Variants in GPATCH2 observed in about 807,000 individuals in gnomAD.
GPATCH2 encodes G-patch domain containing 2, also known as G patch domain-containing protein 2.
In GPATCH2, 51 loss-of-function variants were observed where a neutral mutation model predicts 58.0. That is an observed-to-expected ratio of 0.88 (90% confidence interval 0.70 to 1.11). The LOEUF (loss-of-function observed/expected upper bound fraction) is 1.11. Among genes scored for constraint, GPATCH2 ranks in the 50% most tolerant of loss-of-function variants. The pLI, the probability that GPATCH2 is intolerant of heterozygous loss-of-function variation, is 0.00. For synonymous variants in GPATCH2, 222 were observed against 218.5 expected, an observed-to-expected ratio of 1.02 and a Z score of -0.14; for missense variants, 625 against 652.2, an observed-to-expected ratio of 0.96 and a Z score of 0.45.
chr1:217,522,690 G>A (rs1663527984), intron 5 of GPATCH2, among the ~76,000 whole-genome samples: 1 of 151,822 alleles, frequency 6.6e-6, no homozygotes, highest in African/African-American at 2.4e-5. Context: ...CTATACACTT[G>A]GATTAGATTG....
chr1:217,477,771 A>G (rs1039042996), intron 8 of GPATCH2, among the ~76,000 whole-genome samples: 2 of 152,032 alleles, frequency 1.3e-5, no homozygotes, highest in East Asian at 1.9e-4. Context: ...AAGCTTTTTG[A>G]TTCTATTCCC....
chr1:217,581,116 C>T (rs1027652103), intron 5 of GPATCH2, among the ~76,000 whole-genome samples: 46 of 152,282 alleles, frequency 3.0e-4, no homozygotes, highest in African/African-American at 1.1e-3. Context: ...CCACCAGCCC[C>T]AAGATCCGCT....
At chr1:217,606,085 C>T (rs1200474305) in intron 5 of GPATCH2, among the ~76,000 whole-genome samples, 2 of 152,000 alleles carry the variant, frequency 1.3e-5, no homozygotes. Flanking sequence ...ACTCTGTTTG[C>T]ATGCACATGA....
intron 5 of GPATCH2, among the ~76,000 whole-genome samples, chr1:217,586,234 T>A (rs2102755846): frequency 6.6e-6 from 1 of 152,352 alleles, no homozygotes. Context: ...CTTTTAACTT[T>A]ATCAACCTTT....
intron 1 of GPATCH2, among the ~76,000 whole-genome samples, chr1:217,624,193 C>T (rs774008228): frequency 7.9e-5 from 12 of 152,094 alleles, no homozygotes; most frequent in Admixed American, 2.0e-4. Context: ...AGTCAATTAA[C>T]GTCAAGCTGC....
intron 3 of GPATCH2, among the ~76,000 whole-genome samples, 186 bp from the exon 4 acceptor site, chr1:217,611,257 T>C (rs948331876): frequency 3.9e-5 from 6 of 152,210 alleles, no homozygotes; most frequent in African/African-American, 1.4e-4. Flanking sequence ...GTCTAAGTAC[T>C]GCATGGGACA....
intron 5 of GPATCH2, among the ~76,000 whole-genome samples, chr1:217,581,030 A>G (rs1355570885): frequency 2.6e-5 from 1 of 38,892 alleles, no homozygotes; most frequent in South Asian, 8.5e-4. Context: ...AAAAAAAAAA[A>G]AAAAAAGAAA....
chr1:217,517,602 TA>T (rs890920742), intron 5 of GPATCH2, among the ~76,000 whole-genome samples: 2 of 152,130 alleles, frequency 1.3e-5, no homozygotes, highest in Admixed American at 1.3e-4. Flanking sequence ...GAATTCTTTC[TA>T]AAAGTTTCTG....
intron 6 of GPATCH2, among the ~76,000 whole-genome samples, chr1:217,505,339 T>C (rs1662497955): frequency 6.6e-6 from 1 of 152,184 alleles, no homozygotes; most frequent in African/African-American, 2.4e-5. Flanking sequence ...AGTAGAGCAG[T>C]TGTGGTTGGT....
At chr1:217,504,904 AG>A (rs1316977990) in intron 6 of GPATCH2, among the ~76,000 whole-genome samples, 17 of 152,242 alleles carry the variant, frequency 1.1e-4, no homozygotes, top group African/African-American at 3.9e-4. Flanking sequence ...AAGGAAACAC[AG>A]GAAGTAGCAT....
intron 5 of GPATCH2, among the ~76,000 whole-genome samples, chr1:217,524,255 T>C (rs1663685455): frequency 8.0e-6 from 1 of 124,942 alleles, no homozygotes; most frequent in Non-Finnish European, 1.8e-5. Flanking sequence ...TCCTCACTTC[T>C]CAGACGGGGC....
intron 8 of GPATCH2, among the ~76,000 whole-genome samples, chr1:217,476,235 A>AGTGTGTGTGTGTGTGTGTGTGT (rs60995546): frequency 2.7e-5 from 4 of 146,286 alleles, no homozygotes; most frequent in South Asian, 2.2e-4. Context: ...TCCAGATATG[A>AGTGTGTGTGTGTGTGTGTGTGT]GTGTGTGTGT....
chr1:217,568,008 T>C (rs1404976731), intron 5 of GPATCH2, among the ~76,000 whole-genome samples: 1 of 152,042 alleles, frequency 6.6e-6, no homozygotes, highest in East Asian at 1.9e-4. Flanking sequence ...TCCTAGCTAC[T>C]CAGGAGGCTG....
intron 1 of GPATCH2, among the ~76,000 whole-genome samples, chr1:217,625,845 G>A (rs1312938451): frequency 2.0e-5 from 3 of 152,062 alleles, no homozygotes; most frequent in Non-Finnish European, 2.9e-5. Context: ...TTAGCTGGCC[G>A]TGGTGGTGCA....
At chr1:217,545,785 G>A (rs1665010827) in intron 5 of GPATCH2, among the ~76,000 whole-genome samples, 1 of 152,140 alleles carries the variant, frequency 6.6e-6, no homozygotes, top group Admixed American at 6.5e-5. Context: ...AATACATAAA[G>A]GGTTTTATAA....
At chr1:217,514,014 C>T (rs926655264) in intron 6 of GPATCH2, among the ~76,000 whole-genome samples, 1 of 151,478 alleles carries the variant, frequency 6.6e-6, no homozygotes, top group Admixed American at 6.6e-5. Flanking sequence ...TAGTAGAGAC[C>T]GGGTTTCACG....
chr1:217,609,902 G>C (rs942034076), intron 5 of GPATCH2: 74 of 1,097,486 alleles, frequency 6.7e-5, no homozygotes, highest in Admixed American at 1.0e-4. Flanking sequence ...AACCATAAAA[G>C]AGAAAAATAT....
At position 217,524,142 on chromosome 1, in the gene GPATCH2, C is replaced by T. The variant is rs533983239; in HGVS notation, c.1099-9253G>A. Among the ~76,000 whole-genome samples the T allele has an allele frequency of 5.3e-4, 80 of 149,674 alleles. 2 individuals carry two copies. The highest frequency in any genetic ancestry group is 1.9e-3 in the African/African-American group (76 of 40,282). On this transcript the variant is annotated intron_variant, in intron 5 of 9. Coordinates refer to ENST00000366935, the MANE Select transcript of GPATCH2 (RefSeq NM_018040.5). Reference sequence around the variant, plus strand: ...GCAGAGACGCTCCTCACTTCCCAGACGGGGTGGCTGCCGGGCGGAGGCTCC... The same window carrying T: ...GCAGAGACGCTCCTCACTTCCCAGATGGGGTGGCTGCCGGGCGGAGGCTCC...
At chr1:217,442,768 T>C (rs1659204084) in intron 9 of GPATCH2, among the ~76,000 whole-genome samples, 1 of 152,192 alleles carries the variant, frequency 6.6e-6, no homozygotes, top group South Asian at 2.1e-4. Context: ...AAGCATATAC[T>C]GAGTTTTCTT....
Sources: allele counts gnomAD v4.1 joint callset (sites outside exome capture counted in the v4.1 genomes callset), GRCh38; gene constraint gnomAD v4.1.1; transcripts MANE v1.5; gene names NCBI Gene and HGNC (gene_info 2026-07-23, HGNC 2026-07-21).